NAXD: variants seen among roughly 807,000 people sequenced by gnomAD.
NAXD encodes the protein NAD(P)HX dehydratase.
In NAXD, 22 loss-of-function variants were observed where a neutral mutation model predicts 35.8. The observed-to-expected ratio is 0.62, with a 90% confidence interval of 0.44 to 0.88. The LOEUF is 0.88. NAXD is among the 40% of genes least tolerant of loss of function. NAXD has a pLI of 0.00. For missense variants in NAXD, 428 were observed against 437.7 expected, an observed-to-expected ratio of 0.98 and a Z score of 0.20; for synonymous variants, 189 against 177.6, an observed-to-expected ratio of 1.06 and a Z score of -0.51.
At chr13:110,637,695 A>G (rs1266266647) in intron 9 of NAXD, 1 of 453,350 alleles carries the variant, frequency 2.2e-6, no homozygotes, top group South Asian at 1.6e-5. Context: ...TAGTCAGAGA[A>G]CTTTATGAAT....
intron 1 of NAXD, among the ~76,000 whole-genome samples, chr13:110,619,147 T>C (rs1886169076): frequency 1.3e-5 from 2 of 152,264 alleles, no homozygotes; most frequent in South Asian, 4.1e-4. Flanking sequence ...GTATAGGTTA[T>C]TTCAACTATG....
Position 110,622,280 on chromosome 13 carries a change from G to A in NAXD, c.111G>A (p.Gln37=). 1 of 1,614,122 alleles carries A rather than the reference G, an allele frequency of 6.2e-7. No homozygotes were observed. Among genetic ancestry groups the A allele is most frequent in the Non-Finnish European group, 8.5e-7 (1 of 1,179,994 alleles). Residue 37 remains glutamine, a synonymous_variant, in exon 2 of 10, where the codon CAG becomes CAA. Coordinates refer to ENST00000680254, the MANE Select transcript of NAXD (RefSeq NM_001242882.2). ...TAAAGGATATGGAAAATACTTTGCA[G>A]CTGGTGAGAAATATCATACCTCCTC... ...HSIKDMENTL[Q]LVRNIIPPLS...
At chr13:110,623,358 C>G (rs1886337993) in intron 2 of NAXD, among the ~76,000 whole-genome samples, 1 of 152,224 alleles carries the variant, frequency 6.6e-6, no homozygotes, top group Non-Finnish European at 1.5e-5. Flanking sequence ...ATTTGCCCAT[C>G]TGACGGAGGG....
At chr13:110,632,391 C>T (rs1218655590) in intron 5 of NAXD, among the ~76,000 whole-genome samples, 1 of 152,186 alleles carries the variant, frequency 6.6e-6, no homozygotes, top group Non-Finnish European at 1.5e-5. Context: ...AAAGTTTCCA[C>T]AGCGTGGAAG....
rs201720770 is a variant in NAXD at position 110,625,264 on chromosome 13, C to G, written c.318C>G (p.Ile106Met). ...PVIKAYSPEL[I>M]VHPVLDSPNA... is the part of the protein sequence containing the mutation. Reference sequence around the variant, plus strand: ...TTAAGGCCTACAGCCCGGAGCTGATCGTCCACCCAGTTCTGTGAGTCGCTC... The same window carrying G: ...TTAAGGCCTACAGCCCGGAGCTGATGGTCCACCCAGTTCTGTGAGTCGCTC... Residue 106 changes from isoleucine (I) to methionine (M), a missense_variant, in exon 4 of 10, where the codon ATC becomes ATG. This residue lies in a region of NAXD where 208 missense variants were observed against 193.0 expected (regional missense o/e 1.08). Coordinates refer to ENST00000680254, the MANE Select transcript of NAXD (RefSeq NM_001242882.2). 2 of 1,612,142 alleles carry G rather than the reference C, an allele frequency of 1.2e-6. No individual in the cohort carries two copies. The highest frequency in any genetic ancestry group is 4.5e-5 in the East Asian group (2 of 44,864).
chr13:110,622,300 C>T lies in NAXD; in HGVS notation c.131C>T (p.Pro44Leu), dbSNP rs771016756. The change falls in exon 2 of 10, where the codon CCT (proline) becomes CTT (leucine). Residue 44 changes from proline (P) to leucine (L), a missense_variant. Physicochemically the swap from Pro to Leu is moderately conservative, Grantham distance 98 (BLOSUM62 -3). Coordinates refer to ENST00000680254, the MANE Select transcript of NAXD (RefSeq NM_001242882.2). ...NTLQLVRNII[P>L]PLSSTKHKGQ... The stretch of plus-strand genomic sequence containing the variant: ...TTGCAGCTGGTGAGAAATATCATAC[C>T]TCCTCTGTCTTCCACAAAGCACAAA... 6.2e-7 allele frequency: 1 copy of T among 1,614,134 alleles called. No homozygotes were observed. Among genetic ancestry groups the T allele is most frequent in the Admixed American group, 1.7e-5 (1 of 60,030 alleles).
intron 9 of NAXD, 85 bp downstream of exon 9, chr13:110,637,334 C>G: frequency 1.7e-5 from 25 of 1,487,880 alleles, no homozygotes; most frequent in Non-Finnish European, 2.3e-5. Context: ...GAATAAGTAG[C>G]CCTGGAAACA....
intron 8 of NAXD, 84 bp downstream of exon 8, chr13:110,635,672 T>C (rs1886898759): frequency 6.7e-7 from 1 of 1,499,600 alleles, no homozygotes; most frequent in Non-Finnish European, 9.2e-7. Context: ...GGAAGACCTC[T>C]CCCGTGCACA....
At chr13:110,625,335 G>A in intron 4 of NAXD, 57 bp downstream of exon 4, 1 of 1,259,302 alleles carries the variant, frequency 7.9e-7, no homozygotes, top group South Asian at 1.2e-5. Context: ...CATCATTTGG[G>A]GTTTTGGCAC....
At chr13:110,634,293 C>G (rs928038878) in intron 5 of NAXD, among the ~76,000 whole-genome samples, 1 of 152,166 alleles carries the variant, frequency 6.6e-6, no homozygotes, top group Non-Finnish European at 1.5e-5. Context: ...TACTGGCTCA[C>G]AGTTCTGAAG....
At chr13:110,617,137 A>G (rs1886090493) in intron 1 of NAXD, among the ~76,000 whole-genome samples, 1 of 152,226 alleles carries the variant, frequency 6.6e-6, no homozygotes, top group South Asian at 2.1e-4. Flanking sequence ...GTTGTATATT[A>G]CTGAGGCTTT....
In NAXD at chr13:110,622,384, A is replaced by G. The variant is rs1428423859; in HGVS notation, c.197+18A>G. ...TGTCAGGAGTAAGTAGCTGATGTGC[A>G]GTGTTGGTGTTTAAAAAGTCAGTTG... On this transcript the variant is annotated intron_variant, in intron 2 of 9. Coordinates refer to ENST00000680254, the MANE Select transcript of NAXD (RefSeq NM_001242882.2). The G allele has an allele frequency of 6.2e-7, 1 of 1,609,318 alleles. No homozygotes were observed. The highest frequency in any genetic ancestry group is 1.1e-5 in the South Asian group (1 of 90,786).
In NAXD at chr13:110,625,239, T is replaced by G; in HGVS notation, c.293T>G (p.Ile98Ser). ...VFCASAAAPV[I>S]KAYSPELIVH... ...TGTGCCAGTGCGGCCGCACCTGTGA[T>G]TAAGGCCTACAGCCCGGAGCTGATC... The change falls in exon 4 of 10, where the codon ATT becomes AGT. Residue 98 changes from isoleucine to serine, a missense_variant. Ile to Ser is a moderately radical substitution (Grantham distance 142). Transcript: ENST00000680254. 1.2e-6 allele frequency: 2 copies of G among 1,613,946 alleles called. No individual in the cohort carries two copies. The highest frequency in any genetic ancestry group is 2.2e-5 in the South Asian group (2 of 91,080).
chr13:110,622,951 C>T (rs892590346), intron 2 of NAXD, among the ~76,000 whole-genome samples: 1 of 152,038 alleles, frequency 6.6e-6, no homozygotes, highest in African/African-American at 2.4e-5. Flanking sequence ...AGCTGTTGAT[C>T]GTGCCATAGG....
In NAXD at chr13:110,638,305, AGCCCAGG is replaced by A. The variant is rs753690226; in HGVS notation, c.840-71_840-65del. 65 of 1,608,232 alleles carry A rather than the reference AGCCCAGG, an allele frequency of 4.0e-5. No homozygotes were observed. Among genetic ancestry groups the A allele is most frequent in the Non-Finnish European group, 5.2e-5 (61 of 1,177,612 alleles). On this transcript the variant is annotated intron_variant, in intron 9 of 9. Transcript: ENST00000680254. This position sits in a 1 kb window ranked among gnomAD's most constrained non-coding sequence, Gnocchi z 5.4. ...AGATTGAAACAGGAGTCAAAACCAG[AGCCCAGG>A]GTAGCTGCGGCCCCCGGACCACGAC...
At chr13:110,616,603 T>C (rs767655387) in intron 1 of NAXD, among the ~76,000 whole-genome samples, 91 of 152,268 alleles carry the variant, frequency 6.0e-4, no homozygotes, top group Non-Finnish European at 1.1e-3. Context: ...GCTGAGCAAG[T>C]GCTTGGAGCC....
At chr13:110,615,774 G>C in intron 1 of NAXD, 127 bp downstream of exon 1, 1 of 1,385,014 alleles carries the variant, frequency 7.2e-7, no homozygotes, top group Non-Finnish European at 9.4e-7. Flanking sequence ...ACTGGACGCA[G>C]GTACCCGACC....
chr13:110,625,386 T>G lies in NAXD; in HGVS notation c.332+108T>G. The G allele has an allele frequency of 6.7e-6, 5 of 750,394 alleles. No individual in the cohort carries two copies. The South Asian group carries it at 7.7e-5, about 12-fold the overall frequency. 46.5% of individuals were successfully genotyped at this position (750,394 alleles called of 1,614,324 possible). ...CCTGATGGATTTTCCATCCTCAGAG[T>G]TTCTCAGCAGGTGCTGTAGAGGAAG... On this transcript the variant is annotated intron_variant, in intron 4 of 9. Coordinates refer to ENST00000680254, the MANE Select transcript of NAXD (RefSeq NM_001242882.2).
intron 1 of NAXD, 143 bp from the exon 2 acceptor site, chr13:110,622,073 A>G: frequency 1.5e-6 from 1 of 686,750 alleles, no homozygotes; most frequent in Non-Finnish European, 2.3e-6. Flanking sequence ...AATTTTGAAC[A>G]TCATATTTGC....
Sources: allele counts gnomAD v4.1 joint callset (sites outside exome capture counted in the v4.1 genomes callset), GRCh38; gene constraint gnomAD v4.1.1; regional missense constraint gnomAD v4.1.1; non-coding constraint Gnocchi (gnomAD v3.1); transcripts MANE v1.5; gene names NCBI Gene and HGNC (gene_info 2026-07-23, HGNC 2026-07-21).